Variants in ST7 observed in about 807,000 individuals in gnomAD.
ST7 encodes suppression of tumorigenicity 7, also known as suppressor of tumorigenicity 7 protein.
In ST7, 28 loss-of-function variants were observed where a neutral mutation model predicts 78.7. The observed-to-expected ratio is 0.36, with a 90% CI of 0.26 to 0.49. The LOEUF (loss-of-function observed/expected upper bound fraction) is 0.49, where lower values mean the gene tolerates loss of function less well. ST7 is among the 20% of genes least tolerant of loss of function. The pLI is 0.99. For synonymous variants in ST7, 247 were observed against 249.6 expected, an observed-to-expected ratio of 0.99 and a Z score of 0.10; for missense variants, 418 against 696.0, an observed-to-expected ratio of 0.60 and a Z score of 4.49.
intron 9 of ST7, among the ~76,000 whole-genome samples, chr7:117,150,248 T>C (rs961938910): frequency 2.0e-5 from 3 of 152,200 alleles, no homozygotes; most frequent in Non-Finnish European, 2.9e-5. Context: ...CTTCAAGTGC[T>C]GAGGTCCTCA....
At chr7:117,105,895 G>A (rs538830413) in intron 2 of ST7, among the ~76,000 whole-genome samples, 39 of 152,226 alleles carry the variant, frequency 2.6e-4, no homozygotes, top group Non-Finnish European at 4.6e-4. Context: ...TGACCTGATA[G>A]GACTTTGATC....
intron 1 of ST7, among the ~76,000 whole-genome samples, chr7:117,032,665 G>T (rs544473159): frequency 3.3e-4 from 51 of 152,284 alleles, no homozygotes; most frequent in Non-Finnish European, 6.3e-4. Flanking sequence ...TTGAAGCCAT[G>T]TTTGATAGAG....
chr7:116,969,604 C>G (rs929677360), intron 1 of ST7, among the ~76,000 whole-genome samples: 2 of 152,154 alleles, frequency 1.3e-5, no homozygotes, highest in East Asian at 3.8e-4. Context: ...TTTGCACAGG[C>G]TGCACTTAAG....
At chr7:116,963,632 CTTTTT>C (rs1026576295) in intron 1 of ST7, among the ~76,000 whole-genome samples, 2 of 135,832 alleles carry the variant, frequency 1.5e-5, no homozygotes, top group South Asian at 2.4e-4. Flanking sequence ...TCTTTTTTTT[CTTTTT>C]TTTTTTTTTT....
chr7:117,164,035 A>T (rs1192989190), intron 9 of ST7, among the ~76,000 whole-genome samples: 3 of 152,216 alleles, frequency 2.0e-5, no homozygotes, highest in Non-Finnish European at 4.4e-5. Flanking sequence ...GTGTGGAACC[A>T]CAAAAGACCC....
intron 2 of ST7, among the ~76,000 whole-genome samples, chr7:117,107,037 C>T (rs1034112747): frequency 6.6e-6 from 1 of 152,152 alleles, no homozygotes; most frequent in East Asian, 1.9e-4. Flanking sequence ...ATGTCCAATT[C>T]CATCCAGATT....
chr7:117,184,016 T>A (rs898836812), intron 10 of ST7: 1 of 152,154 alleles, frequency 6.6e-6, no homozygotes, highest in Non-Finnish European at 1.5e-5. Flanking sequence ...CAAAAATGAG[T>A]CTGATTCCAT....
At chr7:117,118,176 C>T (rs1225320865) in intron 2 of ST7, among the ~76,000 whole-genome samples, 1 of 152,222 alleles carries the variant, frequency 6.6e-6, no homozygotes, top group Non-Finnish European at 1.5e-5. Context: ...GCTGACCTGA[C>T]ACTCAAAGGA....
At chr7:117,036,939 G>A (rs989034157) in intron 1 of ST7, among the ~76,000 whole-genome samples, 2 of 152,088 alleles carry the variant, frequency 1.3e-5, no homozygotes, top group Non-Finnish European at 2.9e-5. Context: ...CCTAAAGGCC[G>A]CTTACAGAAT....
At chr7:117,102,019 G>A (rs1302894518) in intron 2 of ST7, among the ~76,000 whole-genome samples, 1 of 152,064 alleles carries the variant, frequency 6.6e-6, no homozygotes, top group Non-Finnish European at 1.5e-5. Context: ...AGTTTTCCCT[G>A]TTCTTTAGAG....
chr7:117,225,324 C>T (rs931800143), intron 15 of ST7, among the ~76,000 whole-genome samples: 1 of 152,172 alleles, frequency 6.6e-6, no homozygotes, highest in Non-Finnish European at 1.5e-5. Context: ...ATTTTCTGCT[C>T]TACCAAGGTG....
At chr7:117,206,992 G>GT (rs1302240927) in intron 12 of ST7, among the ~76,000 whole-genome samples, 4 of 152,112 alleles carry the variant, frequency 2.6e-5, no homozygotes, top group African/African-American at 9.7e-5. Context: ...ATTTTGTTTG[G>GT]TTTTAACTAA....
intron 9 of ST7, among the ~76,000 whole-genome samples, chr7:117,160,649 G>A (rs1462154822): frequency 7.2e-6 from 1 of 138,888 alleles, no homozygotes; most frequent in African/African-American, 3.2e-5. Flanking sequence ...ACTTGTGTGT[G>A]TGTGTATATA....
At chr7:117,153,819 T>C (rs977312238) in intron 9 of ST7, among the ~76,000 whole-genome samples, 2 of 152,230 alleles carry the variant, frequency 1.3e-5, no homozygotes, top group African/African-American at 4.8e-5. Context: ...AGATGTCTAC[T>C]GGAGTAGTAG....
chr7:117,015,811 T>C (rs897700772), intron 1 of ST7, among the ~76,000 whole-genome samples: 1 of 152,146 alleles, frequency 6.6e-6, no homozygotes, highest in African/African-American at 2.4e-5. Context: ...GGCGACATTG[T>C]TTGCTGACAG....
intron 9 of ST7, among the ~76,000 whole-genome samples, chr7:117,164,974 G>T (rs1807432240): frequency 6.6e-6 from 1 of 152,116 alleles, no homozygotes; most frequent in Non-Finnish European, 1.5e-5. Context: ...TTTGATCTGG[G>T]CTTTGGAGGG....
intron 9 of ST7, among the ~76,000 whole-genome samples, chr7:117,164,673 A>G (rs1223768249): frequency 6.6e-6 from 1 of 152,230 alleles, no homozygotes; most frequent in African/African-American, 2.4e-5. Flanking sequence ...TACAAAGATG[A>G]TACAATAGCA....
intron 1 of ST7, among the ~76,000 whole-genome samples, chr7:117,005,681 A>G (rs1795125895): frequency 6.6e-6 from 1 of 152,188 alleles, no homozygotes; most frequent in African/African-American, 2.4e-5. Context: ...CCCAGACATC[A>G]ACTTAAAAAT....
intron 12 of ST7, among the ~76,000 whole-genome samples, chr7:117,191,280 A>G (rs1192501632): frequency 1.3e-5 from 2 of 152,184 alleles, no homozygotes; most frequent in East Asian, 1.9e-4. Context: ...CAAACTCAGG[A>G]AATAAATGTT....
Sources: allele counts gnomAD v4.1 joint callset (sites outside exome capture counted in the v4.1 genomes callset), GRCh38; gene constraint gnomAD v4.1.1; transcripts MANE v1.5; gene names NCBI Gene and HGNC (gene_info 2026-07-23, HGNC 2026-07-21).